ATF6: variants seen among roughly 807,000 people sequenced by gnomAD.
The protein encoded by ATF6 is activating transcription factor 6.
Under a neutral mutation model 83.6 loss-of-function variants are expected in ATF6, and 53 were observed. The observed-to-expected ratio is 0.63, with a 90% confidence interval of 0.51 to 0.80. The LOEUF (loss-of-function observed/expected upper bound fraction) is 0.80, where lower values mean the gene tolerates loss of function less well. ATF6 is among the 30% of genes least tolerant of loss of function. ATF6 has a pLI of 0.00. For synonymous variants in ATF6, 288 were observed against 285.8 expected (o/e 1.01, Z -0.08); for missense variants, 744 against 797.9 (o/e 0.93, Z 0.81).
intron 4 of ATF6, among the ~76,000 whole-genome samples, chr1:161,788,134 A>G (rs1033944845): frequency 2.6e-5 from 4 of 152,320 alleles, no homozygotes; most frequent in Admixed American, 2.6e-4. Context: ...AAGTGCTTCC[A>G]TATTTCTCTC....
At chr1:161,855,880 T>C (rs1016169780) in intron 12 of ATF6, among the ~76,000 whole-genome samples, 4 of 152,178 alleles carry the variant, frequency 2.6e-5, no homozygotes, top group Non-Finnish European at 5.9e-5. Context: ...AGTTCTTTCA[T>C]TGGAGTGGTG....
At position 161,832,297 on chromosome 1, in the gene ATF6, G is replaced by A. The variant is rs573009606; in HGVS notation, c.1187+11136G>A. On this transcript the variant is annotated intron_variant, in intron 9 of 15. Coordinates refer to ENST00000367942, the MANE Select transcript of ATF6 (RefSeq NM_007348.4). ...AGCAAAATAGGTATACTTGGAATAG[G>A]AACAGCTCCAGTCTACAGCTCCCAG... is the stretch of plus-strand genomic sequence containing the variant. Among the ~76,000 whole-genome samples, 11 of 152,278 alleles carry A rather than the reference G, an allele frequency of 7.2e-5. No homozygotes were observed. In the South Asian group the frequency reaches 2.1e-3, roughly 29 times the overall value.
At position 161,793,184 on chromosome 1, in the gene ATF6, A is replaced by G. The variant is rs187244028; in HGVS notation, c.688+857A>G. On this transcript the variant is annotated intron_variant, in intron 6 of 15. Transcript: ENST00000367942. ...TTTGGAGCATAGTTTTAATGAGGGTAAATTTGATAAATTTAATTTCCAGAT... is the reference window on the plus strand; with the variant it reads ...TTTGGAGCATAGTTTTAATGAGGGTGAATTTGATAAATTTAATTTCCAGAT... 5.5e-3 allele frequency among the ~76,000 whole-genome samples: 841 copies of G among 152,300 alleles called. 6 individuals are homozygous for G. Among genetic ancestry groups the G allele is most frequent in the African/African-American group, 0.018 (765 of 41,558 alleles).
intron 15 of ATF6, among the ~76,000 whole-genome samples, chr1:161,916,182 G>A (rs755773317): frequency 5.3e-5 from 8 of 152,156 alleles, no homozygotes; most frequent in Non-Finnish European, 1.0e-4. Flanking sequence ...CAAGTCAAAG[G>A]TCATGTCTCC....
chr1:161,934,333 A>G (rs527814204), intron 15 of ATF6, among the ~76,000 whole-genome samples: 1 of 152,342 alleles, frequency 6.6e-6, no homozygotes, highest in East Asian at 1.9e-4. Flanking sequence ...CCAAAGAATT[A>G]GCAGGAAATG....
chr1:161,826,837 G>A (rs965667986), intron 9 of ATF6, among the ~76,000 whole-genome samples: 1 of 151,920 alleles, frequency 6.6e-6, no homozygotes, highest in African/African-American at 2.4e-5. Flanking sequence ...GAACAACAGT[G>A]ATTTGAAAGA....
intron 9 of ATF6, among the ~76,000 whole-genome samples, chr1:161,844,308 A>G (rs1480332915): frequency 2.0e-5 from 3 of 152,196 alleles, no homozygotes; most frequent in Non-Finnish European, 4.4e-5. Flanking sequence ...TCAAGAAACT[A>G]TAATCTTGAA....
chr1:161,963,586 CT>C lies in ATF6; in HGVS notation c.*4935del, dbSNP rs1689147471. ...TAAACCAGGAGGCTTGGCATATCCCCTTTATGTTAATCCCAGCTAGAGATTA... is the reference window on the plus strand; with the variant it reads ...TAAACCAGGAGGCTTGGCATATCCCCTTATGTTAATCCCAGCTAGAGATTA... On this transcript the variant is annotated 3_prime_UTR_variant, in exon 16 of 16. Transcript: ENST00000367942. 1 of 152,206 alleles carries C rather than the reference CT, an allele frequency of 6.6e-6. No homozygotes were observed. The highest frequency in any genetic ancestry group is 2.4e-5 in the African/African-American group (1 of 41,454). 9.4% of individuals were successfully genotyped at this position (152,206 alleles called of 1,614,324 possible).
At chr1:161,868,559 C>A (rs1394949296) in intron 14 of ATF6, among the ~76,000 whole-genome samples, 1 of 152,016 alleles carries the variant, frequency 6.6e-6, no homozygotes, top group Non-Finnish European at 1.5e-5. Flanking sequence ...GCAATGCCTA[C>A]CACTGAGTGC....
intron 14 of ATF6, among the ~76,000 whole-genome samples, chr1:161,896,582 C>A (rs6427639): frequency 0.9 from 137,555 of 152,286 alleles, 62,286 homozygotes; most frequent in African/African-American, 0.96. Flanking sequence ...TGTTATTTTT[C>A]CTTATTGGTG....
chr1:161,794,770 C>T (rs960329538), intron 6 of ATF6, among the ~76,000 whole-genome samples: 5 of 152,216 alleles, frequency 3.3e-5, no homozygotes, highest in African/African-American at 1.2e-4. Flanking sequence ...CCTACTTCTA[C>T]TTCTCAGTCC....
In ATF6 at chr1:161,958,705, GA is replaced by G. The variant is rs1553245740; in HGVS notation, c.*52del. Reference sequence around the variant, plus strand: ...GAGCGTGGGACCCTGCCAGACTGAAGAGCAGGTGAGCAAAATGCTGCTTTCT... The same window carrying G: ...GAGCGTGGGACCCTGCCAGACTGAAGGCAGGTGAGCAAAATGCTGCTTTCT... On this transcript the variant is annotated 3_prime_UTR_variant, in exon 16 of 16. Transcript: ENST00000367942. 3 of 1,463,852 alleles carry G rather than the reference GA, an allele frequency of 2.0e-6. No homozygotes were observed. Among genetic ancestry groups the G allele is most frequent in the Non-Finnish European group, 2.8e-6 (3 of 1,084,808 alleles). 90.7% of individuals were successfully genotyped at this position (1,463,852 alleles called of 1,614,324 possible). A position where few individuals can be genotyped will look rare whatever the true frequency, so the allele number is the denominator to read the frequency against.
At chr1:161,873,864 G>A (rs147503616) in intron 14 of ATF6, among the ~76,000 whole-genome samples, 1 of 151,440 alleles carries the variant, frequency 6.6e-6, no homozygotes, top group Non-Finnish European at 1.5e-5. Context: ...GCATGTAGCA[G>A]GTATTCAATA....
chr1:161,827,825 TCA>T (rs1029608107), intron 9 of ATF6, among the ~76,000 whole-genome samples: 7 of 152,194 alleles, frequency 4.6e-5, no homozygotes, highest in Non-Finnish European at 8.8e-5. Context: ...TGAATAGACG[TCA>T]CACAGGAAAA....
chr1:161,845,652 A>G (rs1686466729), intron 9 of ATF6, among the ~76,000 whole-genome samples: 2 of 151,778 alleles, frequency 1.3e-5, no homozygotes, highest in South Asian at 2.1e-4. Context: ...GCACATGCCT[A>G]TAGTCTCAGC....
chr1:161,797,832 A>T (rs1445491621), intron 6 of ATF6, among the ~76,000 whole-genome samples: 1 of 152,236 alleles, frequency 6.6e-6, no homozygotes, highest in Non-Finnish European at 1.5e-5. Context: ...TAAAGTTCAC[A>T]TGGAACTGAA....
At chr1:161,852,731 G>A (rs1391652305) in intron 11 of ATF6, among the ~76,000 whole-genome samples, 2 of 151,968 alleles carry the variant, frequency 1.3e-5, no homozygotes, top group Non-Finnish European at 2.9e-5. Context: ...TCTTGCCTTC[G>A]CCTCCTGAGT....
At chr1:161,828,169 A>G (rs1685952231) in intron 9 of ATF6, among the ~76,000 whole-genome samples, 1 of 152,044 alleles carries the variant, frequency 6.6e-6, no homozygotes, top group Non-Finnish European at 1.5e-5. Flanking sequence ...ACTATGCTGT[A>G]AAGTGTTACT....
chr1:161,807,844 T>C (rs888278056), intron 7 of ATF6, among the ~76,000 whole-genome samples: 7 of 150,652 alleles, frequency 4.6e-5, no homozygotes, highest in Admixed American at 4.6e-4. Flanking sequence ...TCTGTACTTT[T>C]TGTACTTTTT....
Sources: gnomAD v4.1 joint callset for allele counts (sites outside exome capture counted in the v4.1 genomes callset) on GRCh38, gnomAD v4.1.1 for gene constraint, MANE v1.5 for transcripts, NCBI Gene and HGNC (gene_info 2026-07-23, HGNC 2026-07-21) for gene names.